The following BCKDHB variants were observed in gnomAD, a reference collection of about 807,000 sequenced individuals.
BCKDHB encodes the protein branched chain keto acid dehydrogenase E1 subunit beta, also known as 2-oxoisovalerate dehydrogenase subunit beta, mitochondrial.
BCKDHB carries 41 observed loss-of-function variants against 48.5 expected under a neutral mutation model. The observed-to-expected ratio is 0.85, with a 90% CI of 0.66 to 1.10. The LOEUF is 1.10. Among genes scored for constraint, BCKDHB ranks in the 50% least tolerant of loss-of-function variants. BCKDHB has a pLI of 0.00. For missense variants in BCKDHB, 496 were observed against 494.2 expected (o/e 1.00, Z -0.03); for synonymous variants, 201 against 174.8 (o/e 1.15, Z -1.18).
the BCKDHB span, among the ~76,000 whole-genome samples, chr6:80,413,659 A>G: frequency 0.059 from 9,040 of 152,290 alleles, 375 homozygotes; most frequent in Middle Eastern, 0.12. Context: ...ATAGTATTCC[A>G]TGATGCATAT....
chr6:80,450,453 A>G, the BCKDHB span, among the ~76,000 whole-genome samples: 1 of 152,060 alleles, frequency 6.6e-6, no homozygotes, highest in Non-Finnish European at 1.5e-5. Context: ...CCCAGATTAT[A>G]TACTTTAGGG....
At chr6:80,340,811 G>A (rs1330626477) in intron 9 of BCKDHB, among the ~76,000 whole-genome samples, 5 of 151,924 alleles carry the variant, frequency 3.3e-5, no homozygotes, top group South Asian at 4.1e-4. Flanking sequence ...GTGTACATAC[G>A]TACGTACGTA....
At chr6:80,315,521 AC>A (rs1303605716) in intron 9 of BCKDHB, among the ~76,000 whole-genome samples, 1 of 142,054 alleles carries the variant, frequency 7.0e-6, no homozygotes, top group Non-Finnish European at 1.5e-5. Flanking sequence ...GTATTTACTC[AC>A]CCCCCTTTTG....
intron 6 of BCKDHB, among the ~76,000 whole-genome samples, chr6:80,195,497 G>A (rs761635944): frequency 7.8e-4 from 118 of 152,224 alleles, no homozygotes; most frequent in Non-Finnish European, 1.5e-3. Flanking sequence ...TTGTAATATA[G>A]AAATCCAATA....
chr6:80,447,449 TTATA>T, the BCKDHB span, among the ~76,000 whole-genome samples: 65 of 147,956 alleles, frequency 4.4e-4, no homozygotes, highest in African/African-American at 1.2e-3. Context: ...ATATATACAG[TTATA>T]TATATATATA....
the BCKDHB span, chr6:80,443,446 A>G: frequency 3.9e-5 from 6 of 152,058 alleles, no homozygotes; most frequent in African/African-American, 1.4e-4. Context: ...TCCATTGTCC[A>G]TGGGGCAAGA....
At chr6:80,210,133 T>TAAAAAAA (rs1562139399) in intron 8 of BCKDHB, among the ~76,000 whole-genome samples, 1 of 22,826 alleles carries the variant, frequency 4.4e-5, no homozygotes. Flanking sequence ...TGAAGAAATA[T>TAAAAAAA]ACAAAAAAAA....
At chr6:80,241,509 C>T (rs1025537930) in intron 8 of BCKDHB, among the ~76,000 whole-genome samples, 1 of 152,180 alleles carries the variant, frequency 6.6e-6, no homozygotes, top group Non-Finnish European at 1.5e-5. Context: ...ACAGTCAGGA[C>T]CCTCAGCTGC....
intron 5 of BCKDHB, among the ~76,000 whole-genome samples, chr6:80,170,342 G>T (rs1772845189): frequency 6.6e-6 from 1 of 152,044 alleles, no homozygotes; most frequent in African/African-American, 2.4e-5. Flanking sequence ...GTAAGTTCAG[G>T]TTTATTTTAA....
chr6:80,276,170 A>G (rs970791960), intron 9 of BCKDHB, among the ~76,000 whole-genome samples: 2 of 152,004 alleles, frequency 1.3e-5, no homozygotes, highest in Non-Finnish European at 2.9e-5. Flanking sequence ...AATGAAAACA[A>G]TGTTTGCTCC....
the BCKDHB span, among the ~76,000 whole-genome samples, chr6:80,424,464 G>A: frequency 2.0e-5 from 3 of 151,916 alleles, no homozygotes; most frequent in African/African-American, 7.3e-5. Context: ...CCAGATTAAT[G>A]CAACTACATC....
the BCKDHB span, among the ~76,000 whole-genome samples, chr6:80,365,257 C>T: frequency 0.28 from 42,785 of 151,938 alleles, 7,406 homozygotes; most frequent in East Asian, 0.54. Context: ...ACATCTTAAA[C>T]AACAGAAAAC....
downstream of BCKDHB, among the ~76,000 whole-genome samples, chr6:80,350,589 A>T (rs954101775): frequency 2.0e-5 from 3 of 152,174 alleles, no homozygotes; most frequent in South Asian, 2.1e-4. Context: ...GATAAACAAA[A>T]GTCTTCATTA....
intron 8 of BCKDHB, among the ~76,000 whole-genome samples, chr6:80,211,839 C>T (rs992687640): frequency 6.6e-5 from 10 of 152,204 alleles, no homozygotes; most frequent in Non-Finnish European, 1.5e-4. Flanking sequence ...GGTGACATCA[C>T]ATATCAGTAG....
intron 8 of BCKDHB, among the ~76,000 whole-genome samples, chr6:80,255,939 G>C (rs992837608): frequency 5.3e-5 from 8 of 152,136 alleles, no homozygotes; most frequent in African/African-American, 1.9e-4. Context: ...ACTGGTTCCT[G>C]GTGGCCTGAC....
chr6:80,151,048 A>G (rs564637235), intron 3 of BCKDHB, among the ~76,000 whole-genome samples: 151 of 152,322 alleles, frequency 9.9e-4, no homozygotes, highest in African/African-American at 3.6e-3. Context: ...TTATTCACAC[A>G]TGAATTCACA....
chr6:80,414,095 C>CT, the BCKDHB span, among the ~76,000 whole-genome samples: 19 of 150,860 alleles, frequency 1.3e-4, no homozygotes, highest in East Asian at 2.0e-4. Context: ...ACATGTATGT[C>CT]TTTTTTTTTA....
the BCKDHB span, among the ~76,000 whole-genome samples, chr6:80,445,216 T>C: frequency 6.6e-6 from 1 of 152,190 alleles, no homozygotes. Context: ...ACTTTGCAGT[T>C]AGTAGGACAA....
chr6:80,393,123 T>C, the BCKDHB span, among the ~76,000 whole-genome samples: 3 of 152,154 alleles, frequency 2.0e-5, no homozygotes, highest in Admixed American at 1.3e-4. Flanking sequence ...ATGAGCTATG[T>C]AGTCTTTCAG....
Sources: gnomAD v4.1 joint callset for allele counts (sites outside exome capture counted in the v4.1 genomes callset) on GRCh38, gnomAD v4.1.1 for gene constraint, MANE v1.5 for transcripts, NCBI Gene and HGNC (gene_info 2026-07-23, HGNC 2026-07-21) for gene names.